SYNPR: variants seen among roughly 807,000 people sequenced by gnomAD.
SYNPR encodes the protein synaptoporin.
In SYNPR, 23 loss-of-function variants were observed where a neutral mutation model predicts 32.9. The observed-to-expected ratio is 0.70, with a 90% CI of 0.50 to 0.99. SYNPR has a LOEUF of 0.99. Ranked by LOEUF, SYNPR falls within the 50% of genes least tolerant of loss-of-function variation. SYNPR has a pLI of 0.00. For missense variants in SYNPR, 318 were observed against 349.3 expected (o/e 0.91, Z 0.71); for synonymous variants, 146 against 135.9 (o/e 1.07, Z -0.52).
chr3:63,309,716 G>A (rs778317672), intron 2 of SYNPR, among the ~76,000 whole-genome samples: 3 of 151,822 alleles, frequency 2.0e-5, no homozygotes, highest in Non-Finnish European at 4.4e-5. Flanking sequence ...TCCTCTCCTA[G>A]ACACGGGCAG....
intron 3 of SYNPR, among the ~76,000 whole-genome samples, chr3:63,555,825 G>A (rs536967973): frequency 6.6e-6 from 1 of 152,024 alleles, no homozygotes; most frequent in Admixed American, 6.5e-5. Context: ...GTGGTCAGTG[G>A]GACTGAAAAA....
intron 2 of SYNPR, among the ~76,000 whole-genome samples, chr3:63,313,770 CATATATATATATCCAT>C (rs2086999558): frequency 1.8e-4 from 2 of 11,284 alleles, no homozygotes; most frequent in African/African-American, 2.7e-4. Context: ...TATATATATC[CATATATATATATCCAT>C]ATATATATAT....
At chr3:63,411,651 G>A (rs1359803267) in intron 2 of SYNPR, among the ~76,000 whole-genome samples, 2 of 152,012 alleles carry the variant, frequency 1.3e-5, no homozygotes, top group Non-Finnish European at 2.9e-5. Context: ...TATTCCAGGA[G>A]ACATAAACAG....
At chr3:63,555,993 A>T (rs1702589414) in intron 3 of SYNPR, among the ~76,000 whole-genome samples, 1 of 152,334 alleles carries the variant, frequency 6.6e-6, no homozygotes, top group Middle Eastern at 3.4e-3. Context: ...TGTTGAGCTG[A>T]TGTCTGAATG....
At chr3:63,353,437 G>A (rs6798674) in intron 2 of SYNPR, among the ~76,000 whole-genome samples, 7,636 of 152,194 alleles carry the variant, frequency 0.05, 659 homozygotes, top group African/African-American at 0.17. Flanking sequence ...CTCTGACTTT[G>A]GCTTGACACC....
At chr3:63,565,599 C>T (rs552760733) in intron 4 of SYNPR, among the ~76,000 whole-genome samples, 2 of 152,300 alleles carry the variant, frequency 1.3e-5, no homozygotes, top group African/African-American at 4.8e-5. Context: ...AATATTATCA[C>T]ATTGACAACA....
At chr3:63,391,375 C>G (rs899227058) in intron 2 of SYNPR, among the ~76,000 whole-genome samples, 7 of 152,230 alleles carry the variant, frequency 4.6e-5, no homozygotes, top group Non-Finnish European at 1.0e-4. Flanking sequence ...TGGGCATCCA[C>G]TGAGCATCAA....
intron 2 of SYNPR, among the ~76,000 whole-genome samples, chr3:63,364,722 T>C (rs928739937): frequency 6.6e-6 from 1 of 152,104 alleles, no homozygotes; most frequent in Non-Finnish European, 1.5e-5. Flanking sequence ...CTAGAAGTGG[T>C]TTGTATTTAG....
chr3:63,595,411 T>C (rs1372851715), intron 4 of SYNPR, among the ~76,000 whole-genome samples: 5 of 151,686 alleles, frequency 3.3e-5, no homozygotes, highest in Non-Finnish European at 7.4e-5. Flanking sequence ...GTTTAAGCCA[T>C]TTTGCCAATG....
At chr3:63,431,218 G>C (rs1388565179) in intron 2 of SYNPR, among the ~76,000 whole-genome samples, 1 of 152,172 alleles carries the variant, frequency 6.6e-6, no homozygotes, top group African/African-American at 2.4e-5. Context: ...TAGTGATGTG[G>C]AATTTACCCT....
chr3:63,222,680 C>G, the SYNPR span, among the ~76,000 whole-genome samples: 6 of 152,112 alleles, frequency 3.9e-5, no homozygotes, highest in African/African-American at 1.4e-4. Context: ...CCATGCCCAA[C>G]TAATTTATGT....
At chr3:63,475,026 T>C (rs1700873681) in intron 2 of SYNPR, among the ~76,000 whole-genome samples, 1 of 152,186 alleles carries the variant, frequency 6.6e-6, no homozygotes, top group Non-Finnish European at 1.5e-5. Context: ...CACACAAGGA[T>C]TGAGCTGCTT....
intron 2 of SYNPR, among the ~76,000 whole-genome samples, chr3:63,354,003 T>C (rs890462575): frequency 3.9e-5 from 6 of 152,178 alleles, no homozygotes; most frequent in Non-Finnish European, 8.8e-5. Context: ...CTGTCTGGGT[T>C]CATATCCCAG....
intron 2 of SYNPR, among the ~76,000 whole-genome samples, chr3:63,462,892 G>A (rs1700612349): frequency 6.6e-6 from 1 of 152,084 alleles, no homozygotes; most frequent in African/African-American, 2.4e-5. Flanking sequence ...TTCCTGTAAG[G>A]GGAAGGTGCT....
chr3:63,228,736 A>G (rs997036780), intron 1 of SYNPR, among the ~76,000 whole-genome samples: 1 of 152,032 alleles, frequency 6.6e-6, no homozygotes, highest in Admixed American at 6.6e-5. Flanking sequence ...AAAAATACTC[A>G]TTTACGGGTG....
chr3:63,239,872 A>C (rs894441074), intron 1 of SYNPR, among the ~76,000 whole-genome samples: 1 of 151,926 alleles, frequency 6.6e-6, no homozygotes, highest in African/African-American at 2.4e-5. Context: ...TGTGTCATGC[A>C]CCCATCCTAC....
At chr3:63,222,608 C>G in the SYNPR span, among the ~76,000 whole-genome samples, 1 of 152,002 alleles carries the variant, frequency 6.6e-6, no homozygotes, top group African/African-American at 2.4e-5. Context: ...CTTTCGCCTC[C>G]CAGGTTTAAA....
intron 4 of SYNPR, among the ~76,000 whole-genome samples, chr3:63,575,030 C>T (rs1209161181): frequency 1.3e-5 from 2 of 151,898 alleles, no homozygotes; most frequent in African/African-American, 2.4e-5. Flanking sequence ...TGTGTATGTG[C>T]CACATAAGGG....
intron 2 of SYNPR, among the ~76,000 whole-genome samples, chr3:63,293,208 A>G (rs995381695): frequency 2.0e-5 from 3 of 152,192 alleles, no homozygotes; most frequent in Admixed American, 1.3e-4. Context: ...CTCAAGTCAC[A>G]TAGGTGGTAA....
Sources: allele counts gnomAD v4.1 joint callset (sites outside exome capture counted in the v4.1 genomes callset), GRCh38; gene constraint gnomAD v4.1.1; transcripts MANE v1.5; gene names NCBI Gene and HGNC (gene_info 2026-07-23, HGNC 2026-07-21).